SORL1-AS1: variants seen among roughly 807,000 people sequenced by gnomAD.
SORL1-AS1 encodes the protein lncRNA 51 A.
Position 121,452,949 on chromosome 11 carries a change from T to G in SORL1-AS1, n.65A>C, listed in dbSNP as rs1041422786. On this transcript the variant is annotated non_coding_transcript_exon_variant, in exon 1 of 2. Coordinates refer to ENST00000501964, the Ensembl canonical transcript of SORL1-AS1. The surrounding 1 kb of genome is among the most constrained non-coding windows in gnomAD (Gnocchi z 5.3). The stretch of plus-strand genomic sequence containing the variant: ...TGGATAAAAAACGGGCTTTCTTTAG[T>G]GTATCATCAGTTGGCAGTGGAGGCG... 7.9e-6 allele frequency: 2 copies of G among 254,038 alleles called. No individual in the cohort carries two copies. Among genetic ancestry groups the G allele is most frequent in the Non-Finnish European group, 1.5e-5 (2 of 133,694 alleles). 15.7% of individuals were successfully genotyped at this position (254,038 alleles called of 1,614,324 possible).
chr11:121,442,640 C>G (rs1159888437), downstream of SORL1-AS1, among the ~76,000 whole-genome samples: 1 of 133,606 alleles, frequency 7.5e-6, no homozygotes, highest in African/African-American at 3.0e-5. Context: ...GTCTCTCTCT[C>G]TTTTATTTAT....
chr11:121,438,695 T>C, the SORL1-AS1 span, among the ~76,000 whole-genome samples: 11 of 152,256 alleles, frequency 7.2e-5, no homozygotes, highest in Non-Finnish European at 1.3e-4. Context: ...TTTAGTCTAT[T>C]GATAGACATT....
chr11:121,438,345 C>T, the SORL1-AS1 span, among the ~76,000 whole-genome samples: 20 of 152,134 alleles, frequency 1.3e-4, no homozygotes, highest in African/African-American at 4.8e-4. Context: ...GTAAAATGCA[C>T]AGACCTTAAG....
rs200230538 is a variant in SORL1-AS1, at chr11:121,452,415, C to G, written n.339+260G>C. ...CACTGCTGCCGCCCGGAGCTCTCTG[C>G]GAAGTCTGGACGCAGAGGCTGCACG... is the stretch of plus-strand genomic sequence containing the variant. On this transcript the variant is annotated intron_variant and non_coding_transcript_variant, in intron 1 of 1. Coordinates refer to ENST00000501964, the Ensembl canonical transcript of SORL1-AS1. This position sits in a 1 kb window ranked among gnomAD's most constrained non-coding sequence, Gnocchi z 5.3. 1 of 1,523,774 alleles carries G rather than the reference C, an allele frequency of 6.6e-7. No homozygotes were observed. Among genetic ancestry groups the G allele is most frequent in the Non-Finnish European group, 8.8e-7 (1 of 1,138,718 alleles). The allele number at this position is 1,523,774 out of a possible 1,614,324, so 94.4% of individuals were successfully genotyped here.
At chr11:121,439,749 A>G in the SORL1-AS1 span, among the ~76,000 whole-genome samples, 2 of 152,206 alleles carry the variant, frequency 1.3e-5, no homozygotes, top group African/African-American at 4.8e-5. Context: ...GTTTAAAGAT[A>G]ATGGCTGAGT....
chr11:121,439,093 G>A, the SORL1-AS1 span, among the ~76,000 whole-genome samples: 1 of 152,090 alleles, frequency 6.6e-6, no homozygotes, highest in Non-Finnish European at 1.5e-5. Flanking sequence ...TAGACATATA[G>A]TTTCATTTCT....
chr11:121,452,492 A>G lies in SORL1-AS1; in HGVS notation n.339+183T>C. 6.7e-7 allele frequency: 1 copy of G among 1,484,848 alleles called. No homozygotes were observed. The highest frequency in any genetic ancestry group is 8.9e-7 in the Non-Finnish European group (1 of 1,119,998). 92.0% of individuals were successfully genotyped at this position (1,484,848 alleles called of 1,614,324 possible). ...CGGGGCTTCCTCGTGGTGCAGGGCG[A>G]CCCGCGCGAGCTGCGGCTGTGGGCG... On this transcript the variant is annotated intron_variant and non_coding_transcript_variant, in intron 1 of 1. Transcript: ENST00000501964. This position sits in a 1 kb window ranked among gnomAD's most constrained non-coding sequence, Gnocchi z 5.3.
Position 121,450,250 on chromosome 11 carries a change from T to G in SORL1-AS1, n.340-351A>C, listed in dbSNP as rs1248104150. Among the ~76,000 whole-genome samples, 4 of 152,176 alleles carry G rather than the reference T, an allele frequency of 2.6e-5. No homozygotes were observed. Among genetic ancestry groups the G allele is most frequent in the Non-Finnish European group, 5.9e-5 (4 of 68,036 alleles). On this transcript the variant is annotated intron_variant and non_coding_transcript_variant, in intron 1 of 1. Transcript: ENST00000501964. The surrounding 1 kb of genome is among the most constrained non-coding windows in gnomAD (Gnocchi z 5.2). The stretch of plus-strand genomic sequence containing the variant: ...AATCATCTACAGGATGTTCTCACTT[T>G]AGCCATATTCCCTTCATTTTCCTTT...
At position 121,452,517 on chromosome 11, in the gene SORL1-AS1, G is replaced by A; in HGVS notation, n.339+158C>T. On this transcript the variant is annotated intron_variant and non_coding_transcript_variant, in intron 1 of 1. Coordinates refer to ENST00000501964, the Ensembl canonical transcript of SORL1-AS1. This position sits in a 1 kb window ranked among gnomAD's most constrained non-coding sequence, Gnocchi z 5.3. ...ACCCGCGCGAGCTGCGGCTGTGGGC[G>A]CGCGGGGATGCCAGGGGGGCGAGCC... is the stretch of plus-strand genomic sequence containing the variant. 1 of 1,478,224 alleles carries A rather than the reference G, an allele frequency of 6.8e-7. No homozygotes were observed. 91.6% of individuals were successfully genotyped at this position (1,478,224 alleles called of 1,614,324 possible).
the SORL1-AS1 span, among the ~76,000 whole-genome samples, chr11:121,440,795 A>G: frequency 7.9e-5 from 12 of 152,310 alleles, no homozygotes; most frequent in East Asian, 2.3e-3. Flanking sequence ...TCGCATTTCT[A>G]CGTAGCTGTC....
At position 121,452,204 on chromosome 11, in the gene SORL1-AS1, C is replaced by A; in HGVS notation, n.339+471G>T. ...GCGGCGGCGGGCGCAGCGGGGCGGC[C>A]CGGAGCGGCGCGGGCGGCCTGGAGC... is the stretch of plus-strand genomic sequence containing the variant. On this transcript the variant is annotated intron_variant and non_coding_transcript_variant, in intron 1 of 1. Coordinates refer to ENST00000501964, the Ensembl canonical transcript of SORL1-AS1. This position sits in a 1 kb window ranked among gnomAD's most constrained non-coding sequence, Gnocchi z 5.3. The A allele has an allele frequency of 2.0e-6, 1 of 511,316 alleles. No homozygotes were observed. Among genetic ancestry groups the A allele is most frequent in the Non-Finnish European group, 2.6e-6 (1 of 387,988 alleles). The allele number at this position is 511,316 out of a possible 1,614,324, so 31.7% of individuals were successfully genotyped here. A position where few individuals can be genotyped will look rare whatever the true frequency, so the allele number is the denominator to read the frequency against.
rs931767467 is a variant in SORL1-AS1, at chr11:121,452,790, T to A, written n.224A>T. The A allele has an allele frequency of 9.4e-6, 5 of 531,054 alleles. No individual in the cohort carries two copies. Among genetic ancestry groups the A allele is most frequent in the Non-Finnish European group, 1.6e-5 (5 of 319,990 alleles). The allele number at this position is 531,054 out of a possible 1,614,324, so 32.9% of individuals were successfully genotyped here. ...ACCGTCAGCACTTGAATCGCATTGA[T>A]CTTTCCTTCTTCCTGTCGATTTAGT... is the stretch of plus-strand genomic sequence containing the variant. On this transcript the variant is annotated non_coding_transcript_exon_variant, in exon 1 of 2. Transcript: ENST00000501964. The surrounding 1 kb of genome is among the most constrained non-coding windows in gnomAD (Gnocchi z 5.3).
At chr11:121,440,898 G>A in the SORL1-AS1 span, among the ~76,000 whole-genome samples, 1 of 152,166 alleles carries the variant, frequency 6.6e-6, no homozygotes, top group African/African-American at 2.4e-5. Context: ...ATAAAATTAC[G>A]ACTAAATACA....
At chr11:121,451,894 G>A (rs560158172) in intron 1 of SORL1-AS1, among the ~76,000 whole-genome samples, 1 of 152,260 alleles carries the variant, frequency 6.6e-6, no homozygotes, top group East Asian at 1.9e-4. Context: ...AGTGGCCACG[G>A]TTTAGGACGA....
downstream of SORL1-AS1, among the ~76,000 whole-genome samples, chr11:121,442,836 G>T (rs1422749299): frequency 6.7e-6 from 1 of 149,860 alleles, no homozygotes; most frequent in Admixed American, 6.6e-5. Flanking sequence ...CCACCACCAC[G>T]CCCGGCTAAT....
At chr11:121,451,701 T>C (rs896224726) in intron 1 of SORL1-AS1, among the ~76,000 whole-genome samples, 1 of 152,132 alleles carries the variant, frequency 6.6e-6, no homozygotes, top group Non-Finnish European at 1.5e-5. Flanking sequence ...TGCAAATACG[T>C]TGTGGTGCCC....
chr11:121,440,170 C>T, the SORL1-AS1 span, among the ~76,000 whole-genome samples: 1 of 152,058 alleles, frequency 6.6e-6, no homozygotes, highest in Non-Finnish European at 1.5e-5. Flanking sequence ...GTCAGGAGTT[C>T]GAGACAAGCC....
rs939291661 is a variant in SORL1-AS1, at chr11:121,450,831, C to A, written n.340-932G>T. On this transcript the variant is annotated intron_variant and non_coding_transcript_variant, in intron 1 of 1. Transcript: ENST00000501964. The surrounding 1 kb of genome is among the most constrained non-coding windows in gnomAD (Gnocchi z 5.2). ...GGGTGTGGGAGGAGGTGGGAGAGTGCAGAACCTGAGGCAGAGGTCCCCAGC... is the reference window on the plus strand; with the variant it reads ...GGGTGTGGGAGGAGGTGGGAGAGTGAAGAACCTGAGGCAGAGGTCCCCAGC... 6.6e-6 allele frequency among the ~76,000 whole-genome samples: 1 copy of A among 151,938 alleles called. No individual in the cohort carries two copies. Among genetic ancestry groups the A allele is most frequent in the African/African-American group, 2.4e-5 (1 of 41,334 alleles).
chr11:121,448,041 T>A (rs1156379984), exon 2 of SORL1-AS1: 4 of 152,252 alleles, frequency 2.6e-5, no homozygotes, highest in Non-Finnish European at 5.9e-5. Flanking sequence ...TGTTTAACTT[T>A]AGGCAAAGCA....
Sources: allele counts gnomAD v4.1 joint callset (sites outside exome capture counted in the v4.1 genomes callset), GRCh38; gene constraint gnomAD v4.1.1; non-coding constraint Gnocchi (gnomAD v3.1); transcripts MANE v1.5; gene names NCBI Gene and HGNC (gene_info 2026-07-23, HGNC 2026-07-21).